Variants in EEPD1 observed in about 807,000 individuals in gnomAD.
The protein encoded by EEPD1 is endonuclease/exonuclease/phosphatase family domain containing 1, also known as endonuclease/exonuclease/phosphatase family domain-containing protein 1.
EEPD1 carries 17 observed loss-of-function variants against 46.3 expected under a neutral mutation model. The observed-to-expected ratio is 0.37, with a 90% confidence interval of 0.25 to 0.55. EEPD1 has a LOEUF of 0.55. Among genes scored for constraint, EEPD1 ranks in the 20% least tolerant of loss-of-function variants. EEPD1 has a pLI of 0.83. For missense variants in EEPD1, 673 were observed against 745.6 expected, an observed-to-expected ratio of 0.90 and a Z score of 1.13; for synonymous variants, 313 against 315.6, an observed-to-expected ratio of 0.99 and a Z score of 0.09.
At chr7:36,190,039 G>A (rs553609410) in intron 2 of EEPD1, among the ~76,000 whole-genome samples, 37 of 151,854 alleles carry the variant, frequency 2.4e-4, no homozygotes, top group South Asian at 1.9e-3. Flanking sequence ...GTGGAAAAGC[G>A]TGGAAGTTTC....
rs1011376892 is a variant in EEPD1 at position 36,299,178 on chromosome 7, G to C, written c.1682G>C (p.Ser561Thr). The change falls in exon 8 of 8, where the codon AGT becomes ACT. Residue 561 changes from serine to threonine, a missense_variant. Transcript: ENST00000242108. ...GGCAGCGGGGTGGCCTTGGAGCGAA[G>C]TGAAGCCAACATCAAGCACGAGCGA... ...RNGSGVALER[S>T]EANIKHER 6 of 1,614,092 alleles carry C rather than the reference G, an allele frequency of 3.7e-6. No homozygotes were observed. In the African/African-American group the frequency reaches 6.7e-5, roughly 18 times the overall value.
intron 6 of EEPD1, among the ~76,000 whole-genome samples, chr7:36,296,694 CTTTT>C (rs60706978): frequency 0.041 from 3,442 of 83,084 alleles, 37 homozygotes; most frequent in Middle Eastern, 0.096. Context: ...ACCCTTAGGT[CTTTT>C]TTTTTTTTTT....
At chr7:36,191,741 A>G (rs146930539) in intron 2 of EEPD1, among the ~76,000 whole-genome samples, 1,992 of 152,324 alleles carry the variant, frequency 0.013, 15 homozygotes, top group Middle Eastern at 0.041. Context: ...TGGACTAAAA[A>G]CAAACGCAGA....
rs200599140 is a variant in EEPD1, at chr7:36,154,683, C to G, written c.359C>G (p.Ala120Gly). 806 of 1,613,386 alleles carry G rather than the reference C, an allele frequency of 5.0e-4. No individual in the cohort carries two copies. The highest frequency in any genetic ancestry group is 6.6e-4 in the Non-Finnish European group (777 of 1,179,934). ...SPSSLRRDLL[A>G]EQQPHHLATA... ...AGTTCCCTGCGGCGGGACCTGCTAGCGGAGCAGCAGCCTCACCACCTGGCC... is the reference window on the plus strand; with the variant it reads ...AGTTCCCTGCGGCGGGACCTGCTAGGGGAGCAGCAGCCTCACCACCTGGCC... Residue 120 changes from alanine to glycine, a missense_variant, in exon 2 of 8, where the codon GCG becomes GGG. Physicochemically the swap from Ala to Gly is moderately conservative, Grantham distance 60. Transcript: ENST00000242108. The surrounding 1 kb of genome is among the most constrained non-coding windows in gnomAD (Gnocchi z 4.2).
At chr7:36,265,161 G>A (rs767879547) in intron 3 of EEPD1, among the ~76,000 whole-genome samples, 3 of 152,320 alleles carry the variant, frequency 2.0e-5, no homozygotes, top group Admixed American at 6.5e-5. Flanking sequence ...CAACCAGAGC[G>A]ATTTCCCTGA....
chr7:36,293,250 C>A (rs1002600621), intron 6 of EEPD1, among the ~76,000 whole-genome samples: 1 of 152,100 alleles, frequency 6.6e-6, no homozygotes, highest in African/African-American at 2.4e-5. Flanking sequence ...ATAAATACTT[C>A]AATCAATGGA....
chr7:36,280,675 A>G (rs1455896312), intron 3 of EEPD1, among the ~76,000 whole-genome samples: 1 of 152,122 alleles, frequency 6.6e-6, no homozygotes, highest in Non-Finnish European at 1.5e-5. Flanking sequence ...GCTGGAGGTC[A>G]TTTTTTGCCC....
intron 2 of EEPD1, among the ~76,000 whole-genome samples, chr7:36,235,511 G>A (rs1786417131): frequency 6.6e-6 from 1 of 152,222 alleles, no homozygotes; most frequent in Admixed American, 6.5e-5. Flanking sequence ...GGCCTTGGCT[G>A]GGCCCGGCTC....
At chr7:36,198,370 T>A (rs1785650615) in intron 2 of EEPD1, among the ~76,000 whole-genome samples, 2 of 89,796 alleles carry the variant, frequency 2.2e-5, no homozygotes, top group African/African-American at 7.1e-5. Context: ...AAAGATATTT[T>A]CCTGAAAAAC....
In EEPD1 at chr7:36,154,284, G is replaced by T; in HGVS notation, c.-41G>T. The T allele has an allele frequency of 6.4e-7, 1 of 1,574,312 alleles. No homozygotes were observed. The highest frequency in any genetic ancestry group is 8.6e-7 in the Non-Finnish European group (1 of 1,165,572). ...TCCTCCCTAGCCAGAGAGCTCTTCT[G>T]CAGTGGTGCGGCCTTCCCGGGAGCC... On this transcript the variant is annotated 5_prime_UTR_variant, in exon 2 of 8. Transcript: ENST00000242108. This position sits in a 1 kb window ranked among gnomAD's most constrained non-coding sequence, Gnocchi z 4.2.
intron 2 of EEPD1, among the ~76,000 whole-genome samples, chr7:36,174,915 T>A (rs1431970525): frequency 6.6e-6 from 1 of 152,206 alleles, no homozygotes; most frequent in African/African-American, 2.4e-5. Flanking sequence ...ATGCCCAAAT[T>A]GGGCAGCCTC....
intron 2 of EEPD1, among the ~76,000 whole-genome samples, chr7:36,191,231 G>A (rs888911513): frequency 6.6e-6 from 1 of 152,204 alleles, no homozygotes; most frequent in African/African-American, 2.4e-5. Context: ...TTGAGCATGT[G>A]CTTAAAATGA....
At chr7:36,185,303 C>T (rs1785345893) in intron 2 of EEPD1, among the ~76,000 whole-genome samples, 1 of 152,198 alleles carries the variant, frequency 6.6e-6, no homozygotes, top group African/African-American at 2.4e-5. Context: ...TCCTGAGGCC[C>T]CTGCCTGCTG....
chr7:36,244,387 G>T (rs114766141), intron 3 of EEPD1, among the ~76,000 whole-genome samples: 2,543 of 152,278 alleles, frequency 0.017, 79 homozygotes, highest in African/African-American at 0.058. Flanking sequence ...AATATAAAAA[G>T]CTAAAAAGAA....
intron 2 of EEPD1, among the ~76,000 whole-genome samples, chr7:36,215,082 G>A (rs1786006363): frequency 1.3e-5 from 2 of 152,214 alleles, no homozygotes; most frequent in South Asian, 4.1e-4. Flanking sequence ...TTGCAGGCTG[G>A]AGGATAGGGT....
chr7:36,264,772 A>C (rs926078563), intron 3 of EEPD1, among the ~76,000 whole-genome samples: 1 of 152,198 alleles, frequency 6.6e-6, no homozygotes, highest in African/African-American at 2.4e-5. Context: ...AGGGAGCTCA[A>C]CTAAAAGATA....
At chr7:36,168,337 A>C (rs903270337) in intron 2 of EEPD1, among the ~76,000 whole-genome samples, 8 of 152,244 alleles carry the variant, frequency 5.3e-5, no homozygotes, top group African/African-American at 1.9e-4. Flanking sequence ...GGAAACTTAA[A>C]GAATATAAGC....
intron 3 of EEPD1, among the ~76,000 whole-genome samples, chr7:36,248,018 G>A (rs964827402): frequency 1.3e-5 from 2 of 152,110 alleles, no homozygotes; most frequent in East Asian, 3.9e-4. Context: ...TGTCAAAGGA[G>A]CACCTAAAAG....
chr7:36,219,226 T>C (rs79704661), intron 2 of EEPD1, among the ~76,000 whole-genome samples: 4,307 of 152,096 alleles, frequency 0.028, 69 homozygotes, highest in Non-Finnish European at 0.045. Flanking sequence ...CTTCACCATA[T>C]AGTGCCCTAA....
Sources: gnomAD v4.1 joint callset for allele counts (sites outside exome capture counted in the v4.1 genomes callset) on GRCh38, gnomAD v4.1.1 for gene constraint, Gnocchi (gnomAD v3.1) non-coding constraint, MANE v1.5 for transcripts, NCBI Gene and HGNC (gene_info 2026-07-23, HGNC 2026-07-21) for gene names.